WASL: variants seen among roughly 807,000 people sequenced by gnomAD.
The protein encoded by WASL is WASP like actin nucleation promoting factor, also known as actin nucleation-promoting factor WASL.
In WASL, 20 loss-of-function variants were observed where a neutral mutation model predicts 55.5. That is an observed-to-expected ratio of 0.36 (90% confidence interval 0.25 to 0.52). The LOEUF is 0.52. WASL is among the 20% of genes least tolerant of loss of function. The probability of loss-of-function intolerance (pLI) is 0.92; values close to 1 mark genes in which losing one functional copy is unlikely to be tolerated. For synonymous variants in WASL, 249 were observed against 217.6 expected (o/e 1.14, Z -1.27); for missense variants, 504 against 622.5 (o/e 0.81, Z 2.03).
chr7:123,706,691 G>A, intron 3 of WASL, 49 bp downstream of exon 3: 4 of 1,283,118 alleles, frequency 3.1e-6, no homozygotes, highest in Non-Finnish European at 4.4e-6. Flanking sequence ...ATTAGAAAAG[G>A]CAAGCAATGA....
intron 1 of WASL, among the ~76,000 whole-genome samples, chr7:123,735,535 T>C (rs1804212972): frequency 6.6e-6 from 1 of 152,116 alleles, no homozygotes; most frequent in Non-Finnish European, 1.5e-5. Flanking sequence ...GAACAATTGT[T>C]ATATCTGTAG....
At chr7:123,694,265 T>C (rs2116771967) in intron 8 of WASL, among the ~76,000 whole-genome samples, 1 of 152,276 alleles carries the variant, frequency 6.6e-6, no homozygotes, top group African/African-American at 2.4e-5. Flanking sequence ...TGCTCTCAGG[T>C]ACAAAAGAAA....
At chr7:123,745,302 C>A (rs1804413175) in intron 1 of WASL, among the ~76,000 whole-genome samples, 1 of 152,084 alleles carries the variant, frequency 6.6e-6, no homozygotes, top group South Asian at 2.1e-4. Flanking sequence ...CCTCACAATC[C>A]TCAATCCACC....
intron 1 of WASL, among the ~76,000 whole-genome samples, chr7:123,716,798 G>A (rs950184275): frequency 2.0e-5 from 3 of 152,112 alleles, no homozygotes; most frequent in Non-Finnish European, 4.4e-5. Context: ...TGGGATGTGG[G>A]TATTCCTGAA....
Position 123,682,475 on chromosome 7 carries a change from G to A in WASL, c.*2044C>T, listed in dbSNP as rs991582972. On this transcript the variant is annotated 3_prime_UTR_variant, in exon 11 of 11. Coordinates refer to ENST00000223023, the MANE Select transcript of WASL (RefSeq NM_003941.4). ...ATATCCATTTTACATGTTTAAAATT[G>A]TGCTTTGAACTCGAAGAATGGGTAC... The A allele has an allele frequency of 1.3e-5, 2 of 152,036 alleles. No individual in the cohort carries two copies. The highest frequency in any genetic ancestry group is 4.8e-5 in the African/African-American group (2 of 41,390). 9.4% of individuals were successfully genotyped at this position (152,036 alleles called of 1,614,324 possible).
intron 6 of WASL, 33 bp from the exon 7 acceptor site, chr7:123,695,898 C>A: frequency 6.2e-7 from 1 of 1,604,218 alleles, no homozygotes; most frequent in South Asian, 1.1e-5. Flanking sequence ...AATAGAAAAA[C>A]AAAATGCATA....
chr7:123,729,903 T>C (rs551548895), intron 1 of WASL, among the ~76,000 whole-genome samples: 58 of 152,158 alleles, frequency 3.8e-4, no homozygotes, highest in African/African-American at 1.3e-3. Flanking sequence ...GAAACAAGGC[T>C]CAAAAAATTA....
chr7:123,725,303 A>G (rs1371494060), intron 1 of WASL, among the ~76,000 whole-genome samples: 3 of 152,202 alleles, frequency 2.0e-5, no homozygotes, highest in Non-Finnish European at 1.5e-5. Context: ...AATATTAAGT[A>G]TGCTCATCAC....
At chr7:123,702,929 C>T (rs1347666665) in intron 5 of WASL, among the ~76,000 whole-genome samples, 1 of 152,152 alleles carries the variant, frequency 6.6e-6, no homozygotes, top group Non-Finnish European at 1.5e-5. Flanking sequence ...TATGGGGTTA[C>T]TTTCCCCAAA....
At chr7:123,707,240 A>C (rs1584862341) in intron 2 of WASL, among the ~76,000 whole-genome samples, 2 of 152,290 alleles carry the variant, frequency 1.3e-5, no homozygotes, top group South Asian at 4.1e-4. Context: ...ATGTACTATC[A>C]AACACTGCAG....
chr7:123,742,988 CTG>C (rs1205646720), intron 1 of WASL, among the ~76,000 whole-genome samples: 1 of 152,126 alleles, frequency 6.6e-6, no homozygotes, highest in Non-Finnish European at 1.5e-5. Context: ...GCTGGAAAGA[CTG>C]TGGAGTTATC....
intron 6 of WASL, 84 bp from the exon 7 acceptor site, chr7:123,695,949 A>G: frequency 1.4e-6 from 2 of 1,393,430 alleles, no homozygotes. Context: ...CCCAATCTAC[A>G]TTTGGCTTTG....
chr7:123,688,339 C>T (rs1460625542), intron 10 of WASL, among the ~76,000 whole-genome samples: 1 of 151,622 alleles, frequency 6.6e-6, no homozygotes, highest in Non-Finnish European at 1.5e-5. Flanking sequence ...AGGTAAATGG[C>T]CCGATTTATT....
At chr7:123,715,753 T>C (rs1803831684) in intron 1 of WASL, among the ~76,000 whole-genome samples, 1 of 152,256 alleles carries the variant, frequency 6.6e-6, no homozygotes, top group Non-Finnish European at 1.5e-5. Context: ...CAATCTTATA[T>C]ACTGCCTATG....
At chr7:123,701,237 C>T (rs1032513578) in intron 5 of WASL, among the ~76,000 whole-genome samples, 15 of 152,176 alleles carry the variant, frequency 9.9e-5, no homozygotes, top group Non-Finnish European at 1.5e-4. Context: ...TGAAGGCGGG[C>T]TGTTTTCCTT....
At chr7:123,723,527 C>A (rs1803988336) in intron 1 of WASL, among the ~76,000 whole-genome samples, 1 of 152,196 alleles carries the variant, frequency 6.6e-6, no homozygotes, top group Admixed American at 6.5e-5. Flanking sequence ...ATACATATGA[C>A]AAACCTACCT....
At chr7:123,725,837 C>G (rs1804032836) in intron 1 of WASL, among the ~76,000 whole-genome samples, 1 of 152,158 alleles carries the variant, frequency 6.6e-6, no homozygotes, top group Non-Finnish European at 1.5e-5. Flanking sequence ...GTCCCACTGG[C>G]TTCTGGAAGG....
intron 1 of WASL, among the ~76,000 whole-genome samples, chr7:123,725,241 T>C (rs568715326): frequency 6.6e-6 from 1 of 152,242 alleles, no homozygotes; most frequent in Admixed American, 6.5e-5. Context: ...TTACACATTA[T>C]TGTGGTACAC....
At chr7:123,688,642 G>A (rs1372637542) in intron 10 of WASL, among the ~76,000 whole-genome samples, 2 of 152,188 alleles carry the variant, frequency 1.3e-5, no homozygotes, top group African/African-American at 2.4e-5. Context: ...GATTACAGGT[G>A]TGAGTCACCG....
Sources: gnomAD v4.1 joint callset for allele counts (sites outside exome capture counted in the v4.1 genomes callset) on GRCh38, gnomAD v4.1.1 for gene constraint, MANE v1.5 for transcripts, NCBI Gene and HGNC (gene_info 2026-07-23, HGNC 2026-07-21) for gene names.